The following EVC2 variants were observed in gnomAD, a reference collection of about 807,000 sequenced individuals.
EVC2 encodes the protein limbin.
In EVC2, 148 loss-of-function variants were observed where a neutral mutation model predicts 149.3. The observed-to-expected ratio is 0.99, with a 90% CI of 0.87 to 1.14. EVC2 has a LOEUF of 1.14. EVC2 is among the 50% of genes most tolerant of loss of function. The pLI is 0.00. For missense variants in EVC2, 1,854 were observed against 1,627.3 expected, an observed-to-expected ratio of 1.14 and a Z score of -2.40; for synonymous variants, 776 against 649.9, an observed-to-expected ratio of 1.19 and a Z score of -2.95.
At chr4:5,557,551 T>A (rs1721859622), downstream of EVC2, among the ~76,000 whole-genome samples, 3 of 152,170 alleles carry the variant, frequency 2.0e-5, no homozygotes, top group Admixed American at 1.3e-4. Context: ...GAATCCTAGC[T>A]AGTGTAATAA....
chr4:5,650,968 T>C (rs1050185327), intron 9 of EVC2, among the ~76,000 whole-genome samples: 2 of 152,124 alleles, frequency 1.3e-5, no homozygotes, highest in South Asian at 4.2e-4. Context: ...CATGTCTTTC[T>C]TGATATCATT....
intron 19 of EVC2, among the ~76,000 whole-genome samples, chr4:5,570,217 G>C (rs1400511403): frequency 6.6e-6 from 1 of 152,250 alleles, no homozygotes; most frequent in African/African-American, 2.4e-5. Flanking sequence ...TCCTGGAACA[G>C]AGAGGGTGAC....
At chr4:5,706,429 C>CATAGATAGATACATAGATAG in intron 1 of EVC2, among the ~76,000 whole-genome samples, 1 of 12,648 alleles carries the variant, frequency 7.9e-5, no homozygotes, top group Non-Finnish European at 1.5e-4. Context: ...TAGATAGATA[C>CATAGATAGATACATAGATAG]ATAGATAGAT....
chr4:5,690,473 T>C (rs537932782), intron 4 of EVC2, among the ~76,000 whole-genome samples: 129 of 151,812 alleles, frequency 8.5e-4, no homozygotes, highest in East Asian at 1.5e-3. Context: ...CAATGAGTTG[T>C]GATGGGTGCC....
At chr4:5,571,400 C>T (rs1482385996) in intron 19 of EVC2, among the ~76,000 whole-genome samples, 1 of 150,376 alleles carries the variant, frequency 6.6e-6, no homozygotes, top group Non-Finnish European at 1.5e-5. Context: ...TCAGAAATCA[C>T]CAATGAAGAA....
At chr4:5,561,485 A>G (rs1395945901), downstream of EVC2, among the ~76,000 whole-genome samples, 1 of 152,210 alleles carries the variant, frequency 6.6e-6, no homozygotes, top group Non-Finnish European at 1.5e-5. Context: ...GCAGTCATGC[A>G]GTCAAGTGGC....
At chr4:5,592,584 A>G (rs759739774) in intron 16 of EVC2, among the ~76,000 whole-genome samples, 2 of 152,228 alleles carry the variant, frequency 1.3e-5, no homozygotes, top group Non-Finnish European at 1.5e-5. Context: ...CAGTCTCCCA[A>G]CAGATAGTAA....
chr4:5,695,362 A>C lies in EVC2; in HGVS notation c.284-861T>G, dbSNP rs1721408394. Among the ~76,000 whole-genome samples, 4 of 151,442 alleles carry C rather than the reference A, an allele frequency of 2.6e-5. No individual in the cohort carries two copies. The South Asian group carries it at 8.5e-4, about 32-fold the overall frequency. ...GACTCCATCTCAAAAAAAAAAAAGA[A>C]AAAAAAAAGAAGAAAGAAATGACTC... On this transcript the variant is annotated intron_variant, in intron 2 of 21. Transcript: ENST00000344408.
chr4:5,628,653 G>C lies in EVC2; in HGVS notation c.1792C>G (p.Leu598Val). 6.2e-7 allele frequency: 1 copy of C among 1,613,842 alleles called. No homozygotes were observed. The highest frequency in any genetic ancestry group is 1.3e-5 in the African/African-American group (1 of 74,950). ...TCTGATGACTGGAGGTTCTGGACCA[G>C]ATATTCCCTGTGGCCAAATCTTTTA... ...LSKRFGHREY[L>V]VQNLQSSETR... The change falls in exon 12 of 22, where the codon CTG (leucine) becomes GTG (valine). Residue 598 changes from leucine (L) to valine (V), a missense_variant. Coordinates refer to ENST00000344408, the MANE Select transcript of EVC2 (RefSeq NM_147127.5).
chr4:5,553,383 C>G (rs1721776425), intron 21 of EVC2, among the ~76,000 whole-genome samples: 1 of 152,170 alleles, frequency 6.6e-6, no homozygotes, highest in South Asian at 2.1e-4. Flanking sequence ...CAGGCCCCAC[C>G]TCCAACATTG....
At chr4:5,531,271 A>G in the EVC2 span, among the ~76,000 whole-genome samples, 1 of 152,096 alleles carries the variant, frequency 6.6e-6, no homozygotes, top group Admixed American at 6.5e-5. Context: ...GAACCAATAG[A>G]ATGTGTATAT....
At chr4:5,667,620 G>A (rs572016277) in intron 7 of EVC2, among the ~76,000 whole-genome samples, 1 of 152,308 alleles carries the variant, frequency 6.6e-6, no homozygotes, top group African/African-American at 2.4e-5. Context: ...GAAAAGGGAA[G>A]AATGGAGTAA....
At chr4:5,660,282 C>G (rs747735942) in intron 9 of EVC2, among the ~76,000 whole-genome samples, 1 of 152,190 alleles carries the variant, frequency 6.6e-6, no homozygotes, top group Non-Finnish European at 1.5e-5. Context: ...AGGCTCCAAG[C>G]CTGGCTCTTC....
intron 2 of EVC2, among the ~76,000 whole-genome samples, chr4:5,695,641 A>C (rs1721429103): frequency 1.3e-5 from 2 of 152,224 alleles, no homozygotes; most frequent in Admixed American, 1.3e-4. Flanking sequence ...CAAATGCCAC[A>C]CTGCACATGA....
At chr4:5,672,787 T>C (rs1226154134) in intron 7 of EVC2, among the ~76,000 whole-genome samples, 1 of 152,208 alleles carries the variant, frequency 6.6e-6, no homozygotes, top group African/African-American at 2.4e-5. Context: ...CATGTGTATA[T>C]CCATATAATG....
chr4:5,563,158 G>A lies in EVC2; in HGVS notation c.3660-43C>T, dbSNP rs1176073514. On this transcript the variant is annotated intron_variant, in intron 21 of 21. Transcript: ENST00000344408. ...GATCAAATTCAATATTTTTGGCAAT[G>A]AACCCTCTGGAGTGTTCTGAGTTCT... is the stretch of plus-strand genomic sequence containing the variant. 3.8e-6 allele frequency: 6 copies of A among 1,585,158 alleles called. No individual in the cohort carries two copies. The Admixed American group carries it at 1.0e-4, about 26-fold the overall frequency.
intron 17 of EVC2, among the ~76,000 whole-genome samples, chr4:5,577,211 T>A (rs974585164): frequency 6.6e-6 from 1 of 152,248 alleles, no homozygotes; most frequent in Non-Finnish European, 1.5e-5. Flanking sequence ...GAGTGGCAGA[T>A]CCTGAATTTC....
intron 9 of EVC2, among the ~76,000 whole-genome samples, chr4:5,644,592 C>T (rs887299367): frequency 4.6e-5 from 7 of 152,116 alleles, no homozygotes; most frequent in African/African-American, 1.4e-4. Context: ...TGTGAGCCAC[C>T]GTGTCTGGCC....
intron 21 of EVC2, among the ~76,000 whole-genome samples, chr4:5,552,831 C>T (rs1458329989): frequency 6.6e-6 from 1 of 152,196 alleles, no homozygotes; most frequent in Admixed American, 6.5e-5. Flanking sequence ...ACAAAGAACA[C>T]TAGATAGCAA....
Sources: gnomAD v4.1 joint callset for allele counts (sites outside exome capture counted in the v4.1 genomes callset) on GRCh38, gnomAD v4.1.1 for gene constraint, MANE v1.5 for transcripts, NCBI Gene and HGNC (gene_info 2026-07-23, HGNC 2026-07-21) for gene names.